The following FOXH1 variants were observed in gnomAD, a reference collection of about 807,000 sequenced individuals.
The protein encoded by FOXH1 is forkhead box H1.
A neutral mutation model predicts 14.2 loss-of-function variants in FOXH1; 10 were observed. The ratio of observed to expected loss-of-function variants is 0.70; its 90% CI spans 0.43 to 1.19. The LOEUF (loss-of-function observed/expected upper bound fraction) is 1.19, where lower values mean the gene tolerates loss of function less well. Among genes scored for constraint, FOXH1 ranks in the 50% most tolerant of loss-of-function variants. The pLI, the probability that FOXH1 is intolerant of heterozygous loss-of-function variation, is 0.00. For missense variants in FOXH1, 643 were observed against 492.1 expected, an observed-to-expected ratio of 1.31 and a Z score of -2.90; for synonymous variants, 273 against 209.5, an observed-to-expected ratio of 1.30 and a Z score of -2.62.
At chr8:144,475,317 G>T in intron 1 of FOXH1, 56 bp from the exon 2 acceptor site, 1 of 1,388,158 alleles carries the variant, frequency 7.2e-7, no homozygotes, top group African/African-American at 1.4e-5. Context: ...AGGGGGTAGC[G>T]CCCTACCCCT....
Position 144,474,192 on chromosome 8 carries a change from G to T in FOXH1, c.*46C>A, listed in dbSNP as rs781228976. On this transcript the variant is annotated 3_prime_UTR_variant, in exon 3 of 3. Coordinates refer to ENST00000377317, the MANE Select transcript of FOXH1 (RefSeq NM_003923.3). ...CTCGCCTTGGCTCCCTGTCAACAAGGTGGGGGTGGGAGCGGGAGGGAGGAG... is the reference window on the plus strand; with the variant it reads ...CTCGCCTTGGCTCCCTGTCAACAAGTTGGGGGTGGGAGCGGGAGGGAGGAG... The T allele has an allele frequency of 7.0e-7, 1 of 1,427,798 alleles. No homozygotes were observed. Among genetic ancestry groups the T allele is most frequent in the South Asian group, 1.4e-5 (1 of 72,600 alleles). 88.4% of individuals were successfully genotyped at this position (1,427,798 alleles called of 1,614,324 possible).
Position 144,474,274 on chromosome 8 carries a change from A to G in FOXH1, c.1062T>C (p.Pro354=). The G allele has an allele frequency of 6.3e-7, 1 of 1,597,440 alleles. No individual in the cohort carries two copies. The highest frequency in any genetic ancestry group is 8.5e-7 in the Non-Finnish European group (1 of 1,170,940). ...ACCAGGAGAGCAGCCAGCCTGGGCC[A>G]GGGGCCGCCAGGTCCCGAGGGTGGC... is the stretch of plus-strand genomic sequence containing the variant. ...WVSHPRDLAA[P]GPGWLLSWCS... The change falls in exon 3 of 3, where the codon CCT becomes CCC. Residue 354 remains proline, a synonymous_variant. Coordinates refer to ENST00000377317, the MANE Select transcript of FOXH1 (RefSeq NM_003923.3).
chr8:144,474,804 C>A lies in FOXH1; in HGVS notation c.532G>T (p.Glu178Ter). The A allele has an allele frequency of 1.9e-6, 3 of 1,608,042 alleles. No homozygotes were observed. The highest frequency in any genetic ancestry group is 2.5e-6 in the Non-Finnish European group (3 of 1,177,314). ...GCTAGCCCCGGCCAGGGTGCCCCCT[C>A]CCCGGACCCTCCTAGCAGGGACTTG... ...SIKSLLGGSG[E>*]GAPWPGLAPQ... The change falls in exon 3 of 3, where the codon GAG becomes TAG. Residue 178 changes from glutamate (E) to a stop codon, truncating the protein, a stop_gained. Coordinates refer to ENST00000377317, the MANE Select transcript of FOXH1 (RefSeq NM_003923.3). LOFTEE classifies it low-confidence loss of function (END_TRUNC).
rs912468825 is a variant in FOXH1 at position 144,474,014 on chromosome 8, C to G, written c.*224G>C. 1 of 570,624 alleles carries G rather than the reference C, an allele frequency of 1.8e-6. No individual in the cohort carries two copies. The highest frequency in any genetic ancestry group is 2.8e-5 in the East Asian group (1 of 35,138). 35.3% of individuals were successfully genotyped at this position (570,624 alleles called of 1,614,324 possible). A position where few individuals can be genotyped will look rare whatever the true frequency, so the allele number is the denominator to read the frequency against. On this transcript the variant is annotated 3_prime_UTR_variant, in exon 3 of 3. Coordinates refer to ENST00000377317, the MANE Select transcript of FOXH1 (RefSeq NM_003923.3). Reference sequence around the variant, plus strand: ...CTCAGCCCTGCTCCTGCAGCTTTGCCGCTGAGTGTAGGAAAAACAGGCATG... The same window carrying G: ...CTCAGCCCTGCTCCTGCAGCTTTGCGGCTGAGTGTAGGAAAAACAGGCATG...
Position 144,475,275 on chromosome 8 carries a change from G to T in FOXH1, c.175-14C>A. ...CTGACGGATGATCTGAAACCGCCAG[G>T]CGGCCGGCCGGCGCCGTGAGCCCAG... On this transcript the variant is annotated splice_polypyrimidine_tract_variant and intron_variant, in intron 1 of 2. Transcript: ENST00000377317. 2 of 1,606,334 alleles carry T rather than the reference G, an allele frequency of 1.2e-6. No homozygotes were observed. Among genetic ancestry groups the T allele is most frequent in the Non-Finnish European group, 1.7e-6 (2 of 1,175,446 alleles).
Position 144,474,136 on chromosome 8 carries a change from T to A in FOXH1, c.*102A>T, listed in dbSNP as rs1825062385. The A allele has an allele frequency of 2.2e-6, 2 of 905,036 alleles. No homozygotes were observed. Among genetic ancestry groups the A allele is most frequent in the East Asian group, 2.6e-5 (1 of 37,832 alleles). The allele number at this position is 905,036 out of a possible 1,614,324, so 56.1% of individuals were successfully genotyped here. A position where few individuals can be genotyped will look rare whatever the true frequency, so the allele number is the denominator to read the frequency against. On this transcript the variant is annotated 3_prime_UTR_variant, in exon 3 of 3. Transcript: ENST00000377317. ...CTCCCAGCAAGGCTGCTGCCTGGTGTTTCGAGGCTGCTGTGGTCGCAGACA... is the reference window on the plus strand; with the variant it reads ...CTCCCAGCAAGGCTGCTGCCTGGTGATTCGAGGCTGCTGTGGTCGCAGACA...
In FOXH1 at chr8:144,474,856, C is replaced by A; in HGVS notation, c.480G>T (p.Pro160=). The A allele has an allele frequency of 2.5e-6, 4 of 1,611,654 alleles. No individual in the cohort carries two copies. Among genetic ancestry groups the A allele is most frequent in the Non-Finnish European group, 3.4e-6 (4 of 1,179,716 alleles). ...HGRPYRPPSP[P]PPPSEGFSIK... The stretch of plus-strand genomic sequence containing the variant: ...TGCTGAAGCCCTCACTGGGTGGTGG[C>A]GGGGGACTGGGCGGCCGGTATGGCC... The change falls in exon 3 of 3, where the codon CCG becomes CCT. Residue 160 remains proline (P), a synonymous_variant. Transcript: ENST00000377317.
In FOXH1 at chr8:144,474,731, T is replaced by G. The variant is rs982305078; in HGVS notation, c.605A>C (p.Glu202Ala). Residue 202 changes from glutamate to alanine, a missense_variant, in exon 3 of 3, where the codon GAG (glutamate) becomes GCG (alanine). By Grantham distance (107) the Glu-to-Ala change is moderately radical. Coordinates refer to ENST00000377317, the MANE Select transcript of FOXH1 (RefSeq NM_003923.3). ...VPAGTGNSGE[E>A]AVPTPPLPSS... Reference sequence around the variant, plus strand: ...GGGAAGGGGTGGGGTGGGCACCGCCTCCTCCCCACTGTTCCCTGTGCCTGC... The same window carrying G: ...GGGAAGGGGTGGGGTGGGCACCGCCGCCTCCCCACTGTTCCCTGTGCCTGC... The G allele has an allele frequency of 1.7e-5, 26 of 1,551,874 alleles. No individual in the cohort carries two copies. In the Admixed American group the frequency reaches 3.6e-4, roughly 22 times the overall value.
In FOXH1 at chr8:144,475,735, G is replaced by C. The variant is rs1215591477; in HGVS notation, c.22C>G (p.Arg8Gly). The C allele has an allele frequency of 7.0e-7, 1 of 1,419,058 alleles. No homozygotes were observed. The highest frequency in any genetic ancestry group is 2.6e-5 in the East Asian group (1 of 37,978). The allele number at this position is 1,419,058 out of a possible 1,614,324, so 87.9% of individuals were successfully genotyped here. Residue 8 changes from arginine to glycine, a missense_variant, in exon 1 of 3, where the codon CGC (arginine) becomes GGC (glycine). Transcript: ENST00000377317. Reference sequence around the variant, plus strand: ...GACTCTGCCTCTGGGGGCCCCAGGCGGGAGCCGCTGCAGGGCCCCATGCGG... The same window carrying C: ...GACTCTGCCTCTGGGGGCCCCAGGCCGGAGCCGCTGCAGGGCCCCATGCGG... MGPCSGSRLGPPEAESPS... is the reference protein window; with the variant it reads MGPCSGSGLGPPEAESPS...
chr8:144,475,342 C>T (rs922337968), intron 1 of FOXH1, 81 bp from the exon 2 acceptor site: 2 of 1,226,932 alleles, frequency 1.6e-6, no homozygotes, highest in Non-Finnish European at 2.4e-6. Flanking sequence ...CACTACCGGG[C>T]TCAGGGGCGC....
rs1825117933 is a variant in FOXH1 at position 144,475,351 on chromosome 8, G to A, written c.175-90C>T. The A allele has an allele frequency of 6.2e-6, 7 of 1,135,482 alleles. No individual in the cohort carries two copies. In the South Asian group the frequency reaches 9.1e-5, roughly 15 times the overall value. The allele number at this position is 1,135,482 out of a possible 1,614,324, so 70.3% of individuals were successfully genotyped here. On this transcript the variant is annotated intron_variant, in intron 1 of 2. Coordinates refer to ENST00000377317, the MANE Select transcript of FOXH1 (RefSeq NM_003923.3). ...CTCCCCCACTACCGGGCTCAGGGGC[G>A]CGCGGTGCCGGCCCCTGCTGTCCCC...
Position 144,475,828 on chromosome 8 carries a change from G to T in FOXH1, c.-72C>A. The stretch of plus-strand genomic sequence containing the variant: ...GCAGGGCGGTGGGGCAGTGTAGAAG[G>T]CAGGGCCGGGACCTGAGGCCGGGCT... On this transcript the variant is annotated 5_prime_UTR_variant, in exon 1 of 3. Transcript: ENST00000377317. 1 of 1,095,908 alleles carries T rather than the reference G, an allele frequency of 9.1e-7. No homozygotes were observed. Among genetic ancestry groups the T allele is most frequent in the Non-Finnish European group, 1.2e-6 (1 of 855,646 alleles). The allele number at this position is 1,095,908 out of a possible 1,614,324, so 67.9% of individuals were successfully genotyped here. A position where few individuals can be genotyped will look rare whatever the true frequency, so the allele number is the denominator to read the frequency against.
chr8:144,474,395 G>A lies in FOXH1; in HGVS notation c.941C>T (p.Ala314Val), dbSNP rs559073360. 3 of 1,613,254 alleles carry A rather than the reference G, an allele frequency of 1.9e-6. No individual in the cohort carries two copies. Among genetic ancestry groups the A allele is most frequent in the Non-Finnish European group, 2.5e-6 (3 of 1,180,016 alleles). Residue 314 changes from alanine to valine, a missense_variant, in exon 3 of 3, where the codon GCC becomes GTC. Coordinates refer to ENST00000377317, the MANE Select transcript of FOXH1 (RefSeq NM_003923.3). ...PSTSPAYWGV[A>V]PETRGPPGLL... is the part of the protein sequence containing the mutation. ...CCCTGGGGGCCCTCGGGTTTCAGGG[G>A]CCACCCCCCAGTAGGCAGGGCTGGT...
Position 144,474,611 on chromosome 8 carries a change from G to A in FOXH1, c.725C>T (p.Thr242Ile), listed in dbSNP as rs1016085473. 1.2e-6 allele frequency: 2 copies of A among 1,600,332 alleles called. No individual in the cohort carries two copies. Among genetic ancestry groups the A allele is most frequent in the Non-Finnish European group, 8.5e-7 (1 of 1,173,490 alleles). ...TVQGGAIGPS[T>I]LSPEPRAWPL... Reference sequence around the variant, plus strand: ...CCAGGCCCTAGGCTCTGGGGAGAGGGTTGAGGGCCCGATGGCTCCCCCCTG... The same window carrying A: ...CCAGGCCCTAGGCTCTGGGGAGAGGATTGAGGGCCCGATGGCTCCCCCCTG... The change falls in exon 3 of 3, where the codon ACC (threonine) becomes ATC (isoleucine). Residue 242 changes from threonine (T) to isoleucine (I), a missense_variant. Physicochemically the swap from Thr to Ile is moderately conservative, Grantham distance 89. Transcript: ENST00000377317.
rs367916293 is a variant in FOXH1 at position 144,474,198 on chromosome 8, G to C, written c.*40C>G. 1.0e-5 allele frequency: 15 copies of C among 1,453,190 alleles called. No individual in the cohort carries two copies. The highest frequency in any genetic ancestry group is 1.3e-5 in the Non-Finnish European group (14 of 1,079,440). 90.0% of individuals were successfully genotyped at this position (1,453,190 alleles called of 1,614,324 possible). ...TTGGCTCCCTGTCAACAAGGTGGGG[G>C]TGGGAGCGGGAGGGAGGAGTGGCCC... On this transcript the variant is annotated 3_prime_UTR_variant, in exon 3 of 3. Coordinates refer to ENST00000377317, the MANE Select transcript of FOXH1 (RefSeq NM_003923.3).
In FOXH1 at chr8:144,475,837, G is replaced by C; in HGVS notation, c.-81C>G. 2.0e-6 allele frequency: 2 copies of C among 1,023,330 alleles called. No homozygotes were observed. The highest frequency in any genetic ancestry group is 8.0e-5 in the Admixed American group (2 of 25,024). The allele number at this position is 1,023,330 out of a possible 1,614,324, so 63.4% of individuals were successfully genotyped here. A position where few individuals can be genotyped will look rare whatever the true frequency, so the allele number is the denominator to read the frequency against. On this transcript the variant is annotated 5_prime_UTR_variant, in exon 1 of 3. Coordinates refer to ENST00000377317, the MANE Select transcript of FOXH1 (RefSeq NM_003923.3). ...TGGGGCAGTGTAGAAGGCAGGGCCG[G>C]GACCTGAGGCCGGGCTGGGGCAGGC... is the stretch of plus-strand genomic sequence containing the variant.
chr8:144,473,815 C>T lies in FOXH1; in HGVS notation c.*423G>A, dbSNP rs1362803083. 5 of 358,230 alleles carry T rather than the reference C, an allele frequency of 1.4e-5. No individual in the cohort carries two copies. Among genetic ancestry groups the T allele is most frequent in the Non-Finnish European group, 2.5e-5 (5 of 197,512 alleles). The allele number at this position is 358,230 out of a possible 1,614,324, so 22.2% of individuals were successfully genotyped here. ...GCAGTCTTTACTCCCTAACCCGTTT[C>T]CCGAAAAAGGTGCTACCTCCTTTCC... On this transcript the variant is annotated 3_prime_UTR_variant, in exon 3 of 3. Transcript: ENST00000377317.
chr8:144,475,468 G>A, intron 1 of FOXH1, 115 bp downstream of exon 1: 1 of 901,226 alleles, frequency 1.1e-6, no homozygotes, highest in East Asian at 2.6e-5. Flanking sequence ...TCTCAGGACT[G>A]GTCCCACTGG....
rs1279800807 is a variant in FOXH1, at chr8:144,474,854, G to A, written c.482C>T (p.Pro161Leu). The change falls in exon 3 of 3, where the codon CCA (proline) becomes CTA (leucine). Residue 161 changes from proline to leucine, a missense_variant. Pro to Leu is a moderately conservative substitution (Grantham distance 98). Coordinates refer to ENST00000377317, the MANE Select transcript of FOXH1 (RefSeq NM_003923.3). ...GRPYRPPSPP[P>L]PPSEGFSIKS... ...GATGCTGAAGCCCTCACTGGGTGGT[G>A]GCGGGGGACTGGGCGGCCGGTATGG... 2 of 1,611,692 alleles carry A rather than the reference G, an allele frequency of 1.2e-6. No individual in the cohort carries two copies. The highest frequency in any genetic ancestry group is 8.5e-7 in the Non-Finnish European group (1 of 1,179,758).
Sources: gnomAD v4.1 joint callset for allele counts on GRCh38, gnomAD v4.1.1 for gene constraint, MANE v1.5 for transcripts, NCBI Gene and HGNC (gene_info 2026-07-23, HGNC 2026-07-21) for gene names.